Variants in LRRC69 observed in about 807,000 individuals in gnomAD.
The protein encoded by LRRC69 is leucine rich repeat containing 69.
A neutral mutation model predicts 37.8 loss-of-function variants in LRRC69; 42 were observed. That is an observed-to-expected ratio of 1.11 (90% CI 0.87 to 1.44). The LOEUF (loss-of-function observed/expected upper bound fraction) is 1.44. Among genes scored for constraint, LRRC69 ranks in the 40% most tolerant of loss-of-function variants. LRRC69 has a pLI of 0.00. For missense variants in LRRC69, 357 were observed against 401.9 expected (o/e 0.89, Z 0.96); for synonymous variants, 141 against 143.1 (o/e 0.99, Z 0.11).
At chr8:91,148,482 T>C (rs1586246437) in intron 5 of LRRC69, among the ~76,000 whole-genome samples, 1 of 151,952 alleles carries the variant, frequency 6.6e-6, no homozygotes, top group Non-Finnish European at 1.5e-5. Flanking sequence ...CAGTCTATCA[T>C]TGTTGGACAT....
At chr8:91,147,477 C>T (rs535350328) in intron 5 of LRRC69, among the ~76,000 whole-genome samples, 41 of 150,890 alleles carry the variant, frequency 2.7e-4, no homozygotes, top group Non-Finnish European at 5.3e-4. Context: ...ACTATTTTGC[C>T]CAGGCTGGTC....
chr8:91,124,464 G>A (rs2130502220), intron 1 of LRRC69, 29 bp from the exon 2 acceptor site: 1 of 1,482,768 alleles, frequency 6.7e-7, no homozygotes, highest in South Asian at 1.4e-5. Context: ...GATGATATAT[G>A]AGTCCATTAA....
rs536290482 is a variant in LRRC69, at chr8:91,106,616, A to T, written c.183+3772A>T. ...TTTGTCAAAGGTCACTCAACCAGTA[A>T]ATATAAAATGAGGTCTCCTTGGAGG... On this transcript the variant is annotated intron_variant, in intron 1 of 7. Transcript: ENST00000448384. 3.9e-5 allele frequency among the ~76,000 whole-genome samples: 6 copies of T among 152,086 alleles called. No homozygotes were observed. The South Asian group carries it at 1.2e-3, about 32-fold the overall frequency.
intron 7 of LRRC69, among the ~76,000 whole-genome samples, chr8:91,210,506 G>A (rs1020039085): frequency 6.6e-6 from 1 of 150,806 alleles, no homozygotes; most frequent in Non-Finnish European, 1.5e-5. Flanking sequence ...TGACCATTCA[G>A]GTCAGATAGA....
At chr8:91,163,986 G>T (rs1316002052) in intron 5 of LRRC69, among the ~76,000 whole-genome samples, 2 of 151,348 alleles carry the variant, frequency 1.3e-5, no homozygotes, top group African/African-American at 2.4e-5. Flanking sequence ...GACTTCCAAA[G>T]CTCCCTATAT....
chr8:91,217,294 G>A (rs1275762503), intron 7 of LRRC69, among the ~76,000 whole-genome samples: 1 of 152,178 alleles, frequency 6.6e-6, no homozygotes, highest in Non-Finnish European at 1.5e-5. Flanking sequence ...AAGCAATGAA[G>A]AAGGTCCAGG....
chr8:91,198,575 T>TGA (rs1809659113), intron 6 of LRRC69, among the ~76,000 whole-genome samples: 2 of 74,486 alleles, frequency 2.7e-5, no homozygotes, highest in Non-Finnish European at 5.9e-5. Context: ...AACTCAAAAA[T>TGA]TATAAGGAAA....
chr8:91,102,768 T>C (rs777296366), exon 1 of LRRC69: 4 of 1,551,984 alleles, frequency 2.6e-6, no homozygotes, highest in Non-Finnish European at 3.5e-6. Context: ...TTAGGAAAAC[T>C]GCCTGGCCTG....
At chr8:91,166,492 G>GAAAAAAAAAAAAA (rs66705016) in intron 5 of LRRC69, among the ~76,000 whole-genome samples, 37 of 95,244 alleles carry the variant, frequency 3.9e-4, no homozygotes, top group African/African-American at 9.2e-4. Flanking sequence ...AAAATAAACT[G>GAAAAAAAAAAAAA]AAAAAAAAAA....
chr8:91,188,473 A>G (rs1809439326), intron 5 of LRRC69, among the ~76,000 whole-genome samples: 1 of 152,194 alleles, frequency 6.6e-6, no homozygotes, highest in Non-Finnish European at 1.5e-5. Context: ...CAGCTATAGC[A>G]GGAGGATTTA....
intron 3 of LRRC69, among the ~76,000 whole-genome samples, chr8:91,131,475 G>T (rs769716125): frequency 6.6e-6 from 1 of 151,726 alleles, no homozygotes; most frequent in Non-Finnish European, 1.5e-5. Context: ...GCAATATTTT[G>T]CTTTTCTATA....
At chr8:91,209,360 A>G (rs1809863117) in intron 7 of LRRC69, 1 of 152,232 alleles carries the variant, frequency 6.6e-6, no homozygotes, top group Non-Finnish European at 1.5e-5. Context: ...TGAAGCCAGC[A>G]GGCAGAGGTT....
intron 5 of LRRC69, among the ~76,000 whole-genome samples, chr8:91,137,203 A>T (rs950172807): frequency 1.3e-5 from 2 of 152,038 alleles, no homozygotes; most frequent in African/African-American, 4.8e-5. Flanking sequence ...TGAAAATGTG[A>T]CATGGTTTTA....
chr8:91,129,348 A>G (rs1813769261), intron 3 of LRRC69, among the ~76,000 whole-genome samples: 1 of 152,126 alleles, frequency 6.6e-6, no homozygotes, highest in African/African-American at 2.4e-5. Context: ...TGTATCTCCT[A>G]TAGATTTTCT....
At chr8:91,126,314 G>C (rs867089373) in intron 2 of LRRC69, among the ~76,000 whole-genome samples, 8 of 151,954 alleles carry the variant, frequency 5.3e-5, no homozygotes, top group African/African-American at 1.9e-4. Context: ...TACATGACCT[G>C]AGGCAGAGAT....
chr8:91,139,981 G>A (rs1808504117), intron 5 of LRRC69, among the ~76,000 whole-genome samples: 1 of 151,190 alleles, frequency 6.6e-6, no homozygotes, highest in Non-Finnish European at 1.5e-5. Flanking sequence ...TCAGTTACTC[G>A]GGAGGCTGAG....
At chr8:91,104,724 A>G (rs1380009468) in intron 1 of LRRC69, among the ~76,000 whole-genome samples, 1 of 151,958 alleles carries the variant, frequency 6.6e-6, no homozygotes, top group East Asian at 1.9e-4. Flanking sequence ...TGTTTCCTGT[A>G]TCCTGTATTT....
At chr8:91,157,657 G>A (rs1808860695) in intron 5 of LRRC69, 3 of 1,583,890 alleles carry the variant, frequency 1.9e-6, no homozygotes, top group African/African-American at 2.7e-5. Flanking sequence ...GACTTTTAAT[G>A]TTGAATGCCT....
At chr8:91,209,963 A>T (rs1809877663) in intron 7 of LRRC69, among the ~76,000 whole-genome samples, 1 of 152,220 alleles carries the variant, frequency 6.6e-6, no homozygotes, top group Non-Finnish European at 1.5e-5. Flanking sequence ...CTGGATCCAA[A>T]GATGAATAAG....
Sources: allele counts gnomAD v4.1 joint callset (sites outside exome capture counted in the v4.1 genomes callset), GRCh38; gene constraint gnomAD v4.1.1; transcripts MANE v1.5; gene names NCBI Gene and HGNC (gene_info 2026-07-23, HGNC 2026-07-21).